Variants in SLC4A8 observed in about 807,000 individuals in gnomAD.
The protein encoded by SLC4A8 is solute carrier family 4 member 8, also known as electroneutral sodium bicarbonate exchanger 1.
In SLC4A8, 40 loss-of-function variants were observed where a neutral mutation model predicts 125.0. The ratio of observed to expected loss-of-function variants is 0.32; its 90% CI spans 0.25 to 0.42. SLC4A8 has a LOEUF of 0.42. Among genes scored for constraint, SLC4A8 ranks in the 10% least tolerant of loss-of-function variants. SLC4A8 has a pLI of 1.00. For missense variants in SLC4A8, 863 were observed against 1,355.1 expected (o/e 0.64, Z 5.70); for synonymous variants, 456 against 476.0 (o/e 0.96, Z 0.55).
chr12:51,442,838 G>A (rs939435245), intron 2 of SLC4A8, among the ~76,000 whole-genome samples: 5 of 152,228 alleles, frequency 3.3e-5, no homozygotes, highest in East Asian at 1.9e-4. Flanking sequence ...ACTCCGAAGG[G>A]CAGCCCTAGG....
intron 16 of SLC4A8, among the ~76,000 whole-genome samples, chr12:51,482,579 C>T (rs1012141802): frequency 2.0e-5 from 3 of 152,104 alleles, no homozygotes; most frequent in Admixed American, 6.5e-5. Flanking sequence ...AGAGTTTCAC[C>T]GTGTTGGCCA....
upstream of SLC4A8, among the ~76,000 whole-genome samples, chr12:51,420,828 A>T (rs1002480435): frequency 6.6e-6 from 1 of 152,180 alleles, no homozygotes; most frequent in Non-Finnish European, 1.5e-5. Context: ...CTGTGGAATC[A>T]TTTCATCTGA....
intron 11 of SLC4A8, among the ~76,000 whole-genome samples, chr12:51,465,780 T>A (rs1362232189): frequency 6.6e-6 from 1 of 152,208 alleles, no homozygotes. Context: ...GGTGACATAA[T>A]GGCTGCATAG....
intron 22 of SLC4A8, among the ~76,000 whole-genome samples, chr12:51,499,638 C>G (rs911879898): frequency 5.3e-5 from 8 of 151,138 alleles, no homozygotes; most frequent in Admixed American, 5.3e-4. Context: ...CACACACACA[C>G]ACACACACAC....
chr12:51,480,138 C>T (rs1009065523), intron 16 of SLC4A8: 7 of 459,116 alleles, frequency 1.5e-5, no homozygotes, highest in African/African-American at 2.1e-5. Context: ...ACGGGGTTTC[C>T]CCATGTTGGC....
At chr12:51,405,442 A>G (rs1179831393) in intron 1 of SLC4A8, among the ~76,000 whole-genome samples, 2 of 152,226 alleles carry the variant, frequency 1.3e-5, no homozygotes. Flanking sequence ...GTGCCTAACC[A>G]TGTCCCTCAT....
chr12:51,405,980 C>A (rs1948478909), intron 1 of SLC4A8, among the ~76,000 whole-genome samples: 1 of 152,132 alleles, frequency 6.6e-6, no homozygotes, highest in Non-Finnish European at 1.5e-5. Context: ...GATCATGTGG[C>A]ATTAAACAAA....
chr12:51,463,705 G>A lies in SLC4A8; in HGVS notation c.1340G>A (p.Arg447His), dbSNP rs759547875. The A allele has an allele frequency of 3.6e-5, 58 of 1,611,044 alleles. 1 individual carries two copies. In the East Asian group the frequency reaches 9.1e-4, roughly 25 times the overall value. ...GGTCACAGTGGGCCAGAACTTCAGC[G>A]CACTGGGCGGTAAGTCCTGGGACGT... ...HGGHSGPELQ[R>H]TGRLFGGLVL... The change falls in exon 11 of 25, where the codon CGC becomes CAC. Residue 447 changes from arginine to histidine, a missense_variant. Physicochemically the swap from Arg to His is conservative, Grantham distance 29 (BLOSUM62 0). Transcript: ENST00000453097.
upstream of SLC4A8, among the ~76,000 whole-genome samples, chr12:51,421,085 C>T (rs1948780093): frequency 6.6e-6 from 1 of 152,144 alleles, no homozygotes; most frequent in South Asian, 2.1e-4. Context: ...TTCTTGTCCA[C>T]TTTATGCCTC....
chr12:51,429,298 A>T (rs1012208863), intron 1 of SLC4A8, among the ~76,000 whole-genome samples: 2 of 152,212 alleles, frequency 1.3e-5, no homozygotes, highest in Non-Finnish European at 2.9e-5. Context: ...TGTGCCCTTA[A>T]TCACTGTGCA....
rs553405744 is a variant in SLC4A8 at position 51,510,029 on chromosome 12, C to T, written c.*2591C>T. 3.3e-5 allele frequency: 5 copies of T among 152,276 alleles called. No individual in the cohort carries two copies. The highest frequency in any genetic ancestry group is 5.9e-5 in the Non-Finnish European group (4 of 68,076). 9.4% of individuals were successfully genotyped at this position (152,276 alleles called of 1,614,324 possible). ...GTTCACCTTTGTGCATGGTGATTAC[C>T]AGTCACTCTAGGGATTGTAGGTCCC... is the stretch of plus-strand genomic sequence containing the variant. On this transcript the variant is annotated 3_prime_UTR_variant, in exon 25 of 25. Transcript: ENST00000453097.
At chr12:51,440,074 T>C (rs1291545378) in intron 1 of SLC4A8, among the ~76,000 whole-genome samples, 1 of 152,114 alleles carries the variant, frequency 6.6e-6, no homozygotes, top group Non-Finnish European at 1.5e-5. Flanking sequence ...AGAGGAGGCC[T>C]GATAAGAGGA....
chr12:51,503,229 T>A (rs11169862), intron 22 of SLC4A8, among the ~76,000 whole-genome samples: 59,245 of 149,336 alleles, frequency 0.4, 12,044 homozygotes, highest in Non-Finnish European at 0.45. Flanking sequence ...ATTTTTTATT[T>A]TTATTTTTTT....
chr12:51,478,755 A>G (rs1950933234), intron 16 of SLC4A8, among the ~76,000 whole-genome samples: 1 of 152,224 alleles, frequency 6.6e-6, no homozygotes, highest in Admixed American at 6.5e-5. Context: ...ACTGGGTGAA[A>G]TATAGCACAA....
chr12:51,489,066 T>A (rs907303735), intron 18 of SLC4A8, among the ~76,000 whole-genome samples: 1 of 152,186 alleles, frequency 6.6e-6, no homozygotes, highest in South Asian at 2.1e-4. Flanking sequence ...ACTCCATTAC[T>A]CTCCTCTCAC....
intron 1 of SLC4A8, chr12:51,392,160 A>G (rs1948133088): frequency 6.6e-6 from 1 of 152,472 alleles, no homozygotes; most frequent in Non-Finnish European, 1.5e-5. Context: ...GCCCCAGCAA[A>G]CTTTAAACCT....
chr12:51,475,245 C>A (rs1024659616), intron 16 of SLC4A8, 39 bp downstream of exon 16: 1 of 1,593,886 alleles, frequency 6.3e-7, no homozygotes, highest in African/African-American at 1.3e-5. Context: ...ACGTTAGAAT[C>A]AAATATAACA....
rs1938268723 is a variant in SLC4A8 at position 51,508,838 on chromosome 12, G to A, written c.*1400G>A. 1.3e-5 allele frequency: 2 copies of A among 152,254 alleles called. No homozygotes were observed. The highest frequency in any genetic ancestry group is 4.8e-5 in the African/African-American group (2 of 41,550). 9.4% of individuals were successfully genotyped at this position (152,254 alleles called of 1,614,324 possible). The stretch of plus-strand genomic sequence containing the variant: ...TAGTTTCCCATCCTGGAAAATCTTT[G>A]TACAGTGGGAAGTTCCCCGATGTGT... On this transcript the variant is annotated 3_prime_UTR_variant, in exon 25 of 25. Transcript: ENST00000453097.
At chr12:51,404,549 C>A (rs1007233715) in intron 1 of SLC4A8, among the ~76,000 whole-genome samples, 1 of 152,144 alleles carries the variant, frequency 6.6e-6, no homozygotes, top group Non-Finnish European at 1.5e-5. Context: ...CTCCTCCCCC[C>A]GTCTTTTCTC....
Sources: gnomAD v4.1 joint callset for allele counts (sites outside exome capture counted in the v4.1 genomes callset) on GRCh38, gnomAD v4.1.1 for gene constraint, MANE v1.5 for transcripts, NCBI Gene and HGNC (gene_info 2026-07-23, HGNC 2026-07-21) for gene names.